Variants in DEPDC4 observed in about 807,000 individuals in gnomAD.
DEPDC4 encodes the protein DEP domain-containing protein 4.
In DEPDC4, 52 loss-of-function variants were observed where a neutral mutation model predicts 52.0. That is an observed-to-expected ratio of 1.00 (90% CI 0.80 to 1.26). The LOEUF is 1.26. DEPDC4 is among the 50% of genes most tolerant of loss of function. The probability of loss-of-function intolerance (pLI) is 0.00; values close to 1 mark genes in which losing one functional copy is unlikely to be tolerated. For missense variants in DEPDC4, 530 were observed against 546.9 expected, an observed-to-expected ratio of 0.97 and a Z score of 0.31; for synonymous variants, 201 against 196.8, an observed-to-expected ratio of 1.02 and a Z score of -0.18.
chr12:100,280,951 T>C, the DEPDC4 span, among the ~76,000 whole-genome samples: 1 of 151,616 alleles, frequency 6.6e-6, no homozygotes, highest in East Asian at 1.9e-4. Context: ...AACAAACCTA[T>C]GTAAAATTCT....
rs1440065436 is a variant in DEPDC4 at position 100,240,609 on chromosome 12, GGAAA to G, written c.*1279_*1282del. On this transcript the variant is annotated 3_prime_UTR_variant, in exon 10 of 10. Transcript: ENST00000550587. ...CAGGCAAGAAAAAAGTGAAAGAGCT[GGAAA>G]GAGAGAGAGAAAGAGGAAAGAAAAG... 6.6e-6 allele frequency among the ~76,000 whole-genome samples: 1 copy of G among 151,308 alleles called. No homozygotes were observed. Among genetic ancestry groups the G allele is most frequent in the African/African-American group, 2.5e-5 (1 of 40,814 alleles).
In DEPDC4 at chr12:100,263,600, C is replaced by T; in HGVS notation, c.451G>A (p.Glu151Lys). The change falls in exon 2 of 10, where the codon GAA (glutamate) becomes AAA (lysine). Residue 151 changes from glutamate (E) to lysine (K), a missense_variant. Coordinates refer to ENST00000550587, the MANE Select transcript of DEPDC4 (RefSeq NM_001364818.2). ...CTGTAGAGACTAATGTTGGAATCTT[C>T]AAATTCTAATTCCTTTTCTTTTTTG... ...LFKKEKELEFEDSNISLYRFL... is the reference protein window; with the variant it reads ...LFKKEKELEFKDSNISLYRFL... 6.2e-7 allele frequency: 1 copy of T among 1,614,058 alleles called. No individual in the cohort carries two copies. Among genetic ancestry groups the T allele is most frequent in the East Asian group, 2.2e-5 (1 of 44,864 alleles).
intron 7 of DEPDC4, among the ~76,000 whole-genome samples, chr12:100,251,572 A>ATT (rs556127084): frequency 1.4e-5 from 2 of 140,326 alleles, no homozygotes; most frequent in Non-Finnish European, 3.1e-5. Context: ...CACCCCTGGC[A>ATT]TTTTTTTTTT....
the DEPDC4 span, among the ~76,000 whole-genome samples, chr12:100,281,621 CAGG>C: frequency 6.6e-6 from 1 of 152,082 alleles, no homozygotes; most frequent in African/African-American, 2.4e-5. Flanking sequence ...ATCACAAGGT[CAGG>C]AGATCGAGAC....
At chr12:100,255,844 G>A (rs992749625) in intron 4 of DEPDC4, 2 of 362,632 alleles carry the variant, frequency 5.5e-6, no homozygotes, top group Non-Finnish European at 5.0e-6. Context: ...GAATTCGTAC[G>A]AACCAAACCA....
chr12:100,235,063 G>A (rs2096139262), downstream of DEPDC4, among the ~76,000 whole-genome samples: 1 of 31,038 alleles, frequency 3.2e-5, no homozygotes, highest in Admixed American at 4.9e-4. Context: ...ATGTATGTGT[G>A]TGTATATATA....
chr12:100,249,403 C>T (rs2096198939), intron 7 of DEPDC4, among the ~76,000 whole-genome samples: 2 of 152,136 alleles, frequency 1.3e-5, no homozygotes, highest in Non-Finnish European at 2.9e-5. Flanking sequence ...AATCCCAGTA[C>T]TTTGGGAGGG....
At chr12:100,271,260 CAAAAAAAAAAA>C (rs11354103), upstream of DEPDC4, among the ~76,000 whole-genome samples, 1 of 83,338 alleles carries the variant, frequency 1.2e-5, no homozygotes, top group Non-Finnish European at 2.3e-5. Context: ...TGCAGAGCAG[CAAAAAAAAAAA>C]AAAAAAAAAA....
intron 1 of DEPDC4, 129 bp downstream of exon 1, chr12:100,266,791 G>T: frequency 7.9e-7 from 1 of 1,264,594 alleles, no homozygotes; most frequent in Admixed American, 2.4e-5. Context: ...GCCTGGTAGG[G>T]CAGGAAGGGG....
intron 7 of DEPDC4, among the ~76,000 whole-genome samples, chr12:100,249,494 A>G (rs2096199269): frequency 6.6e-6 from 1 of 152,178 alleles, no homozygotes; most frequent in Admixed American, 6.5e-5. Context: ...AATAATAACA[A>G]CAAAAACCCC....
chr12:100,278,021 CCTGTT>C, the DEPDC4 span, among the ~76,000 whole-genome samples: 1 of 152,074 alleles, frequency 6.6e-6, no homozygotes, highest in Non-Finnish European at 1.5e-5. Context: ...TATTTCCCCT[CCTGTT>C]CTTTCTTGTT....
Position 100,253,664 on chromosome 12 carries a change from G to C in DEPDC4, c.930C>G (p.Asp310Glu). The part of the protein sequence containing the change: ...AAIECLEYFP[D>E]QLIVTVSQQL... ...GCTGACTAACTGTAACTATTAACTG[G>C]TCAGGGAAATACTCCAAGCATTCAA... The change falls in exon 5 of 10, where the codon GAC (aspartate) becomes GAG (glutamate). Residue 310 changes from aspartate to glutamate, a missense_variant. Physicochemically the swap from Asp to Glu is conservative, Grantham distance 45. Transcript: ENST00000550587. 1 of 1,289,956 alleles carries C rather than the reference G, an allele frequency of 7.8e-7. No homozygotes were observed. The highest frequency in any genetic ancestry group is 1.0e-6 in the Non-Finnish European group (1 of 988,964). 79.9% of individuals were successfully genotyped at this position (1,289,956 alleles called of 1,614,324 possible). A position where few individuals can be genotyped will look rare whatever the true frequency, so the allele number is the denominator to read the frequency against.
intron 8 of DEPDC4, among the ~76,000 whole-genome samples, chr12:100,244,896 G>C (rs2153905268): frequency 6.6e-6 from 1 of 151,362 alleles, no homozygotes; most frequent in African/African-American, 2.4e-5. Flanking sequence ...TTTTGAGAGG[G>C]AGTCTCACTC....
chr12:100,236,537 T>C (rs969791307), downstream of DEPDC4, among the ~76,000 whole-genome samples: 15 of 152,082 alleles, frequency 9.9e-5, no homozygotes, highest in South Asian at 6.2e-4. Context: ...TTTGATGGGA[T>C]TGTTTTTTTC....
chr12:100,257,897 A>T (rs1000752714), intron 3 of DEPDC4: 2 of 152,352 alleles, frequency 1.3e-5, no homozygotes, highest in Non-Finnish European at 2.9e-5. Context: ...CACAGCCATG[A>T]TCTGTTTGGT....
chr12:100,246,189 T>C (rs562569609), intron 8 of DEPDC4, among the ~76,000 whole-genome samples: 115 of 151,752 alleles, frequency 7.6e-4, no homozygotes, highest in Non-Finnish European at 1.5e-3. Flanking sequence ...CTGTTTCTAG[T>C]GCTTACCTAT....
chr12:100,269,615 C>G (rs1055861323), upstream of DEPDC4, among the ~76,000 whole-genome samples: 29 of 152,118 alleles, frequency 1.9e-4, no homozygotes, highest in African/African-American at 7.0e-4. Context: ...TGAGGTATAG[C>G]TAGCTTTTCC....
chr12:100,259,941 A>G (rs1389488902), intron 3 of DEPDC4, among the ~76,000 whole-genome samples: 3 of 145,448 alleles, frequency 2.1e-5, no homozygotes, highest in Non-Finnish European at 4.6e-5. Flanking sequence ...ATTCCCTCCT[A>G]TGTCTTTTTT....
the DEPDC4 span, among the ~76,000 whole-genome samples, chr12:100,281,743 A>T: frequency 6.6e-6 from 1 of 151,286 alleles, no homozygotes; most frequent in South Asian, 2.1e-4. Flanking sequence ...CTGAGGCAGG[A>T]GAATGGCGTG....
Sources: gnomAD v4.1 joint callset for allele counts (sites outside exome capture counted in the v4.1 genomes callset) on GRCh38, gnomAD v4.1.1 for gene constraint, MANE v1.5 for transcripts, NCBI Gene and HGNC (gene_info 2026-07-23, HGNC 2026-07-21) for gene names.